CCT4: variants seen among roughly 807,000 people sequenced by gnomAD.
CCT4 encodes chaperonin containing TCP1 subunit 4.
A neutral mutation model predicts 62.5 loss-of-function variants in CCT4; 17 were observed. The ratio of observed to expected loss-of-function variants is 0.27; its 90% CI spans 0.19 to 0.41. CCT4 has a LOEUF of 0.41. Among genes scored for constraint, CCT4 ranks in the 10% least tolerant of loss-of-function variants. The probability of loss-of-function intolerance (pLI) is 1.00; values close to 1 mark genes in which losing one functional copy is unlikely to be tolerated. For synonymous variants in CCT4, 250 were observed against 229.9 expected, an observed-to-expected ratio of 1.09 and a Z score of -0.79; for missense variants, 592 against 659.2, an observed-to-expected ratio of 0.90 and a Z score of 1.12.
chr2:61,883,553 A>C lies in CCT4; in HGVS notation c.181-5T>G, dbSNP rs763737037. ...ATCACCTTTTCCATCTTGAATCTAG[A>C]AAAAAAATTTTAAAGTTATATTTCA... On this transcript the variant is annotated splice_region_variant and splice_polypyrimidine_tract_variant and intron_variant, in intron 2 of 13. Coordinates refer to ENST00000394440, the MANE Select transcript of CCT4 (RefSeq NM_006430.4). 17 of 1,503,954 alleles carry C rather than the reference A, an allele frequency of 1.1e-5. No homozygotes were observed. The highest frequency in any genetic ancestry group is 2.3e-5 in the East Asian group (1 of 44,186). The allele number at this position is 1,503,954 out of a possible 1,614,324, so 93.2% of individuals were successfully genotyped here. A position where few individuals can be genotyped will look rare whatever the true frequency, so the allele number is the denominator to read the frequency against.
intron 5 of CCT4, among the ~76,000 whole-genome samples, chr2:61,878,525 A>T (rs1227452445): frequency 6.6e-6 from 1 of 152,224 alleles, no homozygotes; most frequent in Non-Finnish European, 1.5e-5. Context: ...TTAAATATTC[A>T]ATAAAAATTA....
At chr2:61,870,195 T>C (rs1668854569) in intron 12 of CCT4, among the ~76,000 whole-genome samples, 1 of 151,544 alleles carries the variant, frequency 6.6e-6, no homozygotes, top group African/African-American at 2.4e-5. Flanking sequence ...AAGAATCGCT[T>C]GAACCCAGGA....
intron 3 of CCT4, among the ~76,000 whole-genome samples, chr2:61,881,148 G>A (rs531985282): frequency 2.0e-5 from 3 of 152,134 alleles, no homozygotes; most frequent in East Asian, 3.9e-4. Context: ...TGAAGCCTCA[G>A]GACTATCCAA....
chr2:61,885,071 C>G lies in CCT4; in HGVS notation c.129G>C (p.Ala43=). Residue 43 remains alanine, a splice_region_variant and synonymous_variant, in exon 2 of 14, where the codon GCG becomes GCC. Coordinates refer to ENST00000394440, the MANE Select transcript of CCT4 (RefSeq NM_006430.4). ...IRFSNISAAK[A]VADAIRTSLG... is the part of the protein sequence containing the mutation. ...GGCTTGTTCTAATAGCATCAGCAAC[C>G]GCTGCAGATGGGGGGGAAAAAAAAG... 1 of 1,541,446 alleles carries G rather than the reference C, an allele frequency of 6.5e-7. No individual in the cohort carries two copies. Among genetic ancestry groups the G allele is most frequent in the Non-Finnish European group, 8.7e-7 (1 of 1,153,536 alleles).
intron 13 of CCT4, 111 bp downstream of exon 13, chr2:61,869,329 T>C (rs757436476): frequency 1.1e-5 from 7 of 643,470 alleles, no homozygotes; most frequent in Non-Finnish European, 2.0e-5. Flanking sequence ...GAGCAAAACT[T>C]TGTCTCAAAA....
chr2:61,869,997 G>A (rs1008922571), intron 12 of CCT4, among the ~76,000 whole-genome samples: 1 of 150,192 alleles, frequency 6.7e-6, no homozygotes, highest in Non-Finnish European at 1.5e-5. Flanking sequence ...TGATATCTTG[G>A]CTAGGTGCGG....
intron 1 of CCT4, among the ~76,000 whole-genome samples, chr2:61,887,167 A>G (rs945767422): frequency 6.6e-6 from 1 of 152,210 alleles, no homozygotes. Context: ...ATTATCTCCT[A>G]AACTTACAAA....
rs183122841 is a variant in CCT4, at chr2:61,875,069, G to A, written c.917+1026C>T. 1.3e-3 allele frequency among the ~76,000 whole-genome samples: 194 copies of A among 151,338 alleles called. 1 individual carries two copies. The highest frequency in any genetic ancestry group is 4.3e-3 in the African/African-American group (177 of 41,226). ...AGGCAGGAGACTTGCGTGAACCCAG[G>A]AGGCGGGGGTTGTGGTGAACCGAGA... On this transcript the variant is annotated intron_variant, in intron 8 of 13. Coordinates refer to ENST00000394440, the MANE Select transcript of CCT4 (RefSeq NM_006430.4).
Position 61,884,301 on chromosome 2 carries a change from T to C in CCT4, c.180+719A>G, listed in dbSNP as rs146224440. On this transcript the variant is annotated intron_variant, in intron 2 of 13. Transcript: ENST00000394440. The stretch of plus-strand genomic sequence containing the variant: ...CCTCTGAATTCCAGGTACCCAACAC[T>C]TTTTACTTTTTTTTTGGTTTGAGAT... Among the ~76,000 whole-genome samples, 37 of 152,158 alleles carry C rather than the reference T, an allele frequency of 2.4e-4. No homozygotes were observed. In the East Asian group the frequency reaches 5.4e-3, roughly 22 times the overall value.
chr2:61,888,373 A>G lies in CCT4; in HGVS notation c.127+8T>C, dbSNP rs769034351. ...GCGGCGCCGCGGGTCAGGCCATGAG[A>G]GTGATACCTTTGGCGGCGGAAATGT... On this transcript the variant is annotated splice_region_variant and intron_variant, in intron 1 of 13. Coordinates refer to ENST00000394440, the MANE Select transcript of CCT4 (RefSeq NM_006430.4). 46 of 1,612,204 alleles carry G rather than the reference A, an allele frequency of 2.9e-5. No individual in the cohort carries two copies. In the South Asian group the frequency reaches 5.1e-4, roughly 18 times the overall value.
At position 61,877,027 on chromosome 2, in the gene CCT4, C is replaced by T. The variant is rs959762441; in HGVS notation, c.670G>A (p.Val224Met). The T allele has an allele frequency of 1.9e-6, 3 of 1,613,668 alleles. No homozygotes were observed. Among genetic ancestry groups the T allele is most frequent in the Admixed American group, 3.3e-5 (2 of 59,982 alleles). Residue 224 changes from valine (V) to methionine (M), a missense_variant, in exon 7 of 14, where the codon GTG becomes ATG. By Grantham distance (21) the Val-to-Met change is conservative. This residue lies in a region of CCT4 where 522 missense variants were observed against 571.2 expected (regional missense o/e 0.91). Coordinates refer to ENST00000394440, the MANE Select transcript of CCT4 (RefSeq NM_006430.4). ...LGGTIDDCEL[V>M]EGLVLTQKVS... Reference sequence around the variant, plus strand: ...TTTTGGGTGAGAACCAGCCCTTCCACCAACTCACAGTCATCAATTGTCCCA... The same window carrying T: ...TTTTGGGTGAGAACCAGCCCTTCCATCAACTCACAGTCATCAATTGTCCCA...
At chr2:61,888,310 C>A in intron 1 of CCT4, 71 bp downstream of exon 1, 1 of 1,544,004 alleles carries the variant, frequency 6.5e-7, no homozygotes, top group South Asian at 1.2e-5. Context: ...TGAGCCAAAC[C>A]CGCTCAAGCC....
intron 3 of CCT4, among the ~76,000 whole-genome samples, chr2:61,880,683 G>C (rs994973038): frequency 6.6e-6 from 1 of 152,012 alleles, no homozygotes; most frequent in Admixed American, 6.6e-5. Flanking sequence ...CTAAGAAAAG[G>C]GGCATTCCAG....
intron 3 of CCT4, among the ~76,000 whole-genome samples, chr2:61,880,761 A>T (rs556279232): frequency 6.6e-6 from 1 of 152,276 alleles, no homozygotes; most frequent in South Asian, 2.1e-4. Flanking sequence ...ACTGGAGTAT[A>T]GCAGTGCAAT....
In CCT4 at chr2:61,878,947, C is replaced by A. The variant is rs528619072; in HGVS notation, c.444G>T (p.Leu148Phe). Reference protein sequence around the residue: ...QKALEKGIEILTDMSRPVELS... With the variant: ...QKALEKGIEIFTDMSRPVELS... ...GTTCCACAGGTCGAGACATGTCAGT[C>A]AAGATTTCAATGCCCTTTTCCAGGG... is the stretch of plus-strand genomic sequence containing the variant. The change falls in exon 5 of 14, where the codon TTG (leucine) becomes TTT (phenylalanine). Residue 148 changes from leucine to phenylalanine, a missense_variant. By Grantham distance (22) the Leu-to-Phe change is conservative. Coordinates refer to ENST00000394440, the MANE Select transcript of CCT4 (RefSeq NM_006430.4). The A allele has an allele frequency of 5.5e-5, 88 of 1,611,106 alleles. No individual in the cohort carries two copies. The South Asian group carries it at 8.5e-4, about 16-fold the overall frequency.
chr2:61,880,008 A>G (rs568091087), intron 4 of CCT4, among the ~76,000 whole-genome samples: 92 of 152,324 alleles, frequency 6.0e-4, no homozygotes, highest in African/African-American at 2.1e-3. Flanking sequence ...AATTACAGGC[A>G]TGAGCCACCA....
intron 8 of CCT4, among the ~76,000 whole-genome samples, chr2:61,874,186 G>C (rs1382274561): frequency 6.6e-6 from 1 of 152,108 alleles, no homozygotes; most frequent in East Asian, 1.9e-4. Context: ...ACTGAGTTTG[G>C]GGGGCAATTT....
In CCT4 at chr2:61,868,540, T is replaced by C. The variant is rs1355863508; in HGVS notation, c.*152A>G. 3.7e-6 allele frequency: 2 copies of C among 540,734 alleles called. No individual in the cohort carries two copies. Among genetic ancestry groups the C allele is most frequent in the Admixed American group, 3.1e-5 (1 of 32,408 alleles). 33.5% of individuals were successfully genotyped at this position (540,734 alleles called of 1,614,324 possible). A position where few individuals can be genotyped will look rare whatever the true frequency, so the allele number is the denominator to read the frequency against. On this transcript the variant is annotated 3_prime_UTR_variant, in exon 14 of 14. Coordinates refer to ENST00000394440, the MANE Select transcript of CCT4 (RefSeq NM_006430.4). The stretch of plus-strand genomic sequence containing the variant: ...CCAAATATTTAATATTTTCATTAAA[T>C]TGTTTCAATACAACTTCAGGCAAAT...
At chr2:61,877,793 T>G (rs1413738645) in intron 5 of CCT4, among the ~76,000 whole-genome samples, 8 of 152,188 alleles carry the variant, frequency 5.3e-5, no homozygotes, top group Non-Finnish European at 7.4e-5. Context: ...CCAAAAAGCA[T>G]AAATTTAATT....
Sources: allele counts gnomAD v4.1 joint callset (sites outside exome capture counted in the v4.1 genomes callset), GRCh38; gene constraint gnomAD v4.1.1; regional missense constraint gnomAD v4.1.1; transcripts MANE v1.5; gene names NCBI Gene and HGNC (gene_info 2026-07-23, HGNC 2026-07-21).